The following MARCHF8 variants were observed in gnomAD, a reference collection of about 807,000 sequenced individuals.
MARCHF8 encodes the protein membrane associated ring-CH-type finger 8.
MARCHF8 carries 40 observed loss-of-function variants against 51.6 expected under a neutral mutation model. That is an observed-to-expected ratio of 0.77 (90% confidence interval 0.60 to 1.01). MARCHF8 has a LOEUF of 1.01. Among genes scored for constraint, MARCHF8 ranks in the 50% least tolerant of loss-of-function variants. The probability of loss-of-function intolerance (pLI) is 0.00; values close to 1 mark genes in which losing one functional copy is unlikely to be tolerated. For synonymous variants in MARCHF8, 263 were observed against 280.3 expected, an observed-to-expected ratio of 0.94 and a Z score of 0.62; for missense variants, 685 against 708.6, an observed-to-expected ratio of 0.97 and a Z score of 0.38.
intron 2 of MARCHF8, among the ~76,000 whole-genome samples, chr10:45,497,698 G>T (rs1056536963): frequency 6.6e-6 from 1 of 151,564 alleles, no homozygotes; most frequent in African/African-American, 2.4e-5. Context: ...AATCAAAAAA[G>T]AACTCACCAA....
At chr10:45,573,944 C>G (rs950615527) in intron 1 of MARCHF8, among the ~76,000 whole-genome samples, 1 of 152,190 alleles carries the variant, frequency 6.6e-6, no homozygotes, top group Non-Finnish European at 1.5e-5. Flanking sequence ...TTATCCCCAC[C>G]TGCCCAGCTC....
intron 2 of MARCHF8, among the ~76,000 whole-genome samples, chr10:45,503,163 T>A (rs138028997): frequency 6.6e-6 from 1 of 152,094 alleles, no homozygotes; most frequent in Non-Finnish European, 1.5e-5. Context: ...AAACTCCAAA[T>A]AGATAAATAT....
intron 2 of MARCHF8, among the ~76,000 whole-genome samples, chr10:45,499,715 G>A (rs555992064): frequency 5.7e-4 from 87 of 151,974 alleles, no homozygotes; most frequent in Non-Finnish European, 7.4e-4. Flanking sequence ...GACTAGTCTC[G>A]GCGCCATTGT....
At chr10:45,594,181 A>G (rs903591357) in intron 1 of MARCHF8, 1 of 152,250 alleles carries the variant, frequency 6.6e-6, no homozygotes, top group African/African-American at 2.4e-5. Context: ...GTTTAAGATG[A>G]AAACAGATTT....
At chr10:45,541,417 T>C (rs957120882) in intron 1 of MARCHF8, among the ~76,000 whole-genome samples, 4 of 152,020 alleles carry the variant, frequency 2.6e-5, no homozygotes, top group East Asian at 3.9e-4. Flanking sequence ...CCGGGGCCTG[T>C]TGCGGGGTGG....
At chr10:45,483,398 CTAAT>C (rs2042924095) in intron 3 of MARCHF8, among the ~76,000 whole-genome samples, 3 of 152,162 alleles carry the variant, frequency 2.0e-5, no homozygotes, top group African/African-American at 7.2e-5. Context: ...CTCAGCATCC[CTAAT>C]CATCAGGGAA....
At chr10:45,516,199 T>A (rs974426301) in intron 2 of MARCHF8, among the ~76,000 whole-genome samples, 6 of 152,224 alleles carry the variant, frequency 3.9e-5, no homozygotes, top group African/African-American at 1.2e-4. Flanking sequence ...TAACTCCCAG[T>A]TTCCTGATGA....
At chr10:45,515,737 C>T (rs2043607839) in intron 2 of MARCHF8, among the ~76,000 whole-genome samples, 1 of 152,176 alleles carries the variant, frequency 6.6e-6, no homozygotes, top group African/African-American at 2.4e-5. Flanking sequence ...TTCGATCTGG[C>T]TTGTGTGTGT....
intron 2 of MARCHF8, among the ~76,000 whole-genome samples, chr10:45,490,765 C>A (rs765568013): frequency 5.3e-5 from 8 of 152,182 alleles, no homozygotes; most frequent in Non-Finnish European, 5.9e-5. Flanking sequence ...GTTGTATTTC[C>A]TTGCTCTGTC....
intron 2 of MARCHF8, among the ~76,000 whole-genome samples, chr10:45,522,720 T>TA (rs1233895373): frequency 6.6e-6 from 1 of 151,944 alleles, no homozygotes; most frequent in African/African-American, 2.4e-5. Context: ...CTCTGCTTTT[T>TA]AAAAAACAGG....
intron 1 of MARCHF8, among the ~76,000 whole-genome samples, chr10:45,574,596 TC>T (rs2044468411): frequency 6.6e-6 from 1 of 152,136 alleles, no homozygotes; most frequent in Non-Finnish European, 1.5e-5. Flanking sequence ...CCCCATCACC[TC>T]AGTCAAGCCA....
chr10:45,593,964 G>T (rs1440669224), intron 1 of MARCHF8, among the ~76,000 whole-genome samples: 2 of 152,202 alleles, frequency 1.3e-5, no homozygotes, highest in Non-Finnish European at 2.9e-5. Flanking sequence ...TTAGCGTGGG[G>T]ATGGGTGGTG....
chr10:45,475,601 C>G (rs1464028552), intron 3 of MARCHF8, among the ~76,000 whole-genome samples: 1 of 152,114 alleles, frequency 6.6e-6, no homozygotes, highest in Non-Finnish European at 1.5e-5. Context: ...CTGGTTCAAC[C>G]AGCCCATCAC....
chr10:45,519,161 T>C (rs1471473310), intron 2 of MARCHF8, among the ~76,000 whole-genome samples: 1 of 152,210 alleles, frequency 6.6e-6, no homozygotes, highest in Non-Finnish European at 1.5e-5. Flanking sequence ...GGATTGAATA[T>C]ATCTTCATTC....
intron 1 of MARCHF8, among the ~76,000 whole-genome samples, chr10:45,543,438 C>T (rs2044079194): frequency 6.6e-6 from 1 of 152,068 alleles, no homozygotes; most frequent in African/African-American, 2.4e-5. Flanking sequence ...TAAAAGATAC[C>T]ATTAATAAAA....
chr10:45,537,058 G>A (rs190619429), upstream of MARCHF8, among the ~76,000 whole-genome samples: 467 of 152,094 alleles, frequency 3.1e-3, 2 homozygotes, highest in South Asian at 0.011. Context: ...CTATGCAGTC[G>A]TTTTGAAAAA....
At chr10:45,576,237 A>G (rs1205294904) in intron 1 of MARCHF8, among the ~76,000 whole-genome samples, 1 of 152,222 alleles carries the variant, frequency 6.6e-6, no homozygotes, top group Non-Finnish European at 1.5e-5. Flanking sequence ...TTTTCAGGGG[A>G]GGCATCAAAG....
At chr10:45,574,393 C>T (rs1349460464) in intron 1 of MARCHF8, among the ~76,000 whole-genome samples, 3 of 152,166 alleles carry the variant, frequency 2.0e-5, no homozygotes, top group African/African-American at 7.2e-5. Flanking sequence ...GGTGCCAAAC[C>T]CATATACTCT....
At chr10:45,460,108 C>T (rs540366040) in intron 6 of MARCHF8, among the ~76,000 whole-genome samples, 2 of 152,280 alleles carry the variant, frequency 1.3e-5, no homozygotes, top group African/African-American at 4.8e-5. Flanking sequence ...AAGCAGTTTG[C>T]ACAAGCCTTC....
Sources: allele counts gnomAD v4.1 joint callset (sites outside exome capture counted in the v4.1 genomes callset), GRCh38; gene constraint gnomAD v4.1.1; transcripts MANE v1.5; gene names NCBI Gene and HGNC (gene_info 2026-07-23, HGNC 2026-07-21).